The following NCKAP5 variants were observed in gnomAD, a reference collection of about 807,000 sequenced individuals.
The protein encoded by NCKAP5 is nck-associated protein 5.
A neutral mutation model predicts 167.0 loss-of-function variants in NCKAP5; 92 were observed. That is an observed-to-expected ratio of 0.55 (90% CI 0.47 to 0.66). The LOEUF (loss-of-function observed/expected upper bound fraction) is 0.66, where lower values mean the gene tolerates loss of function less well. Among genes scored for constraint, NCKAP5 ranks in the 30% least tolerant of loss-of-function variants. The pLI is 0.00. For synonymous variants in NCKAP5, 891 were observed against 877.4 expected, an observed-to-expected ratio of 1.02 and a Z score of -0.27; for missense variants, 2,378 against 2,315.0, an observed-to-expected ratio of 1.03 and a Z score of -0.56.
intron 16 of NCKAP5, among the ~76,000 whole-genome samples, chr2:132,751,489 T>A (rs1324372954): frequency 2.0e-5 from 3 of 152,188 alleles, no homozygotes; most frequent in African/African-American, 7.2e-5. Context: ...ATACTTGTAT[T>A]CCATATGCCT....
chr2:133,577,889 C>T, the NCKAP5 span, among the ~76,000 whole-genome samples: 1 of 152,192 alleles, frequency 6.6e-6, no homozygotes, highest in Admixed American at 6.5e-5. Flanking sequence ...ATTCATTATT[C>T]CATGGCTTCA....
intron 19 of NCKAP5, among the ~76,000 whole-genome samples, chr2:132,721,590 T>C (rs1168957984): frequency 2.6e-5 from 4 of 152,194 alleles, no homozygotes; most frequent in African/African-American, 9.6e-5. Flanking sequence ...CGTCCTCCTG[T>C]TATTGTCTTT....
chr2:132,730,246 C>A (rs1690862418), intron 17 of NCKAP5, among the ~76,000 whole-genome samples: 1 of 152,224 alleles, frequency 6.6e-6, no homozygotes, highest in Non-Finnish European at 1.5e-5. Context: ...GTAATCCCAG[C>A]ACTTTGGGAG....
At chr2:133,472,908 G>T (rs1679476831) in intron 3 of NCKAP5, among the ~76,000 whole-genome samples, 1 of 152,010 alleles carries the variant, frequency 6.6e-6, no homozygotes, top group African/African-American at 2.4e-5. Context: ...TCTCTTATTG[G>T]CTTCCACATG....
intron 6 of NCKAP5, among the ~76,000 whole-genome samples, chr2:133,062,209 A>G (rs2080031512): frequency 6.6e-6 from 1 of 152,226 alleles, no homozygotes; most frequent in South Asian, 2.1e-4. Context: ...GGTAAAGACA[A>G]AAAAGCCAAA....
chr2:132,890,458 A>G (rs767443921), intron 8 of NCKAP5, among the ~76,000 whole-genome samples: 1 of 152,214 alleles, frequency 6.6e-6, no homozygotes. Context: ...TGAAAACTAC[A>G]GGCTTCCAAG....
chr2:132,939,087 A>T (rs1697075313), intron 8 of NCKAP5, among the ~76,000 whole-genome samples: 2 of 152,170 alleles, frequency 1.3e-5, no homozygotes, highest in South Asian at 4.1e-4. Context: ...CAAGGGAATA[A>T]TTTTTTACTG....
At chr2:133,465,168 C>A (rs948276623) in intron 3 of NCKAP5, among the ~76,000 whole-genome samples, 7 of 113,080 alleles carry the variant, frequency 6.2e-5, no homozygotes, top group East Asian at 3.3e-4. Flanking sequence ...CTCCCCCCAC[C>A]CCACAACAGT....
intron 8 of NCKAP5, among the ~76,000 whole-genome samples, chr2:132,883,714 C>A (rs1043824997): frequency 5.9e-5 from 9 of 152,200 alleles, no homozygotes; most frequent in Non-Finnish European, 1.2e-4. Flanking sequence ...GGCACACACG[C>A]TGGCAGCAGG....
At chr2:133,575,641 G>C in the NCKAP5 span, among the ~76,000 whole-genome samples, 1 of 152,212 alleles carries the variant, frequency 6.6e-6, no homozygotes, top group Non-Finnish European at 1.5e-5. Flanking sequence ...GAATACATTT[G>C]AAATGAAGTC....
At chr2:132,940,311 A>G (rs1697197579) in intron 8 of NCKAP5, among the ~76,000 whole-genome samples, 1 of 152,138 alleles carries the variant, frequency 6.6e-6, no homozygotes, top group Non-Finnish European at 1.5e-5. Context: ...TGGGCTTGAG[A>G]CTAGAGATGG....
intron 2 of NCKAP5, among the ~76,000 whole-genome samples, chr2:133,519,683 G>A (rs1357048108): frequency 6.6e-6 from 1 of 152,170 alleles, no homozygotes; most frequent in Non-Finnish European, 1.5e-5. Context: ...TGCATTGAGT[G>A]CCTACTGTAC....
chr2:133,085,413 T>A (rs538873414), intron 6 of NCKAP5, among the ~76,000 whole-genome samples: 1 of 152,310 alleles, frequency 6.6e-6, no homozygotes, highest in Admixed American at 6.5e-5. Flanking sequence ...GGCAATTTTT[T>A]AAACAGTGAA....
At chr2:133,230,671 C>G (rs1334040863) in intron 4 of NCKAP5, among the ~76,000 whole-genome samples, 1 of 152,152 alleles carries the variant, frequency 6.6e-6, no homozygotes, top group Non-Finnish European at 1.5e-5. Context: ...CTCCAGACAG[C>G]TTTCCTTCTG....
intron 6 of NCKAP5, among the ~76,000 whole-genome samples, chr2:133,036,796 A>G (rs1340740448): frequency 1.3e-5 from 2 of 152,068 alleles, no homozygotes; most frequent in African/African-American, 4.8e-5. Context: ...GTTATTCACC[A>G]TAGTATTAGA....
At position 132,790,183 on chromosome 2, in the gene NCKAP5, G is replaced by A. The variant is rs773014477; in HGVS notation, c.932C>T (p.Ser311Leu). Residue 311 changes from serine (S) to leucine (L), a missense_variant, in exon 13 of 20, where the codon TCG becomes TTG. By Grantham distance (145) the Ser-to-Leu change is moderately radical. Coordinates refer to ENST00000409261, the MANE Select transcript of NCKAP5 (RefSeq NM_207363.3). ...EVHEHQLNTKSALKCPGLGAV... is the reference protein window; with the variant it reads ...EVHEHQLNTKLALKCPGLGAV... ...CCCCAAGCCAGGGCATTTCAAGGCCGATTTTGTATTTAGTTGGTGTTCCTG... is the reference window on the plus strand; with the variant it reads ...CCCCAAGCCAGGGCATTTCAAGGCCAATTTTGTATTTAGTTGGTGTTCCTG... 2.9e-5 allele frequency: 46 copies of A among 1,613,032 alleles called. No homozygotes were observed. The highest frequency in any genetic ancestry group is 6.7e-5 in the Admixed American group (4 of 59,864).
chr2:133,035,551 T>C (rs1033132740), intron 6 of NCKAP5, among the ~76,000 whole-genome samples: 6 of 151,912 alleles, frequency 3.9e-5, no homozygotes, highest in Non-Finnish European at 7.4e-5. Flanking sequence ...TGAAATAATA[T>C]CAAGCATCTT....
intron 8 of NCKAP5, among the ~76,000 whole-genome samples, chr2:132,952,583 T>A (rs1357031180): frequency 1.3e-5 from 2 of 152,120 alleles, no homozygotes; most frequent in Admixed American, 1.3e-4. Flanking sequence ...AGGGCTGCTG[T>A]AAAACAGCAA....
At chr2:133,386,434 C>A (rs1264174609) in intron 3 of NCKAP5, among the ~76,000 whole-genome samples, 3 of 152,290 alleles carry the variant, frequency 2.0e-5, no homozygotes, top group South Asian at 2.1e-4. Context: ...AATTTCTCTT[C>A]TTTTCCATTT....
Sources: gnomAD v4.1 joint callset for allele counts (sites outside exome capture counted in the v4.1 genomes callset) on GRCh38, gnomAD v4.1.1 for gene constraint, MANE v1.5 for transcripts, NCBI Gene and HGNC (gene_info 2026-07-23, HGNC 2026-07-21) for gene names.